RSBN1: variants seen among roughly 807,000 people sequenced by gnomAD.
RSBN1 encodes the protein lysine-specific demethylase 9.
RSBN1 carries 23 observed loss-of-function variants against 74.8 expected under a neutral mutation model. The observed-to-expected ratio is 0.31, with a 90% CI of 0.22 to 0.44. The LOEUF (loss-of-function observed/expected upper bound fraction) is 0.44. RSBN1 is among the 20% of genes least tolerant of loss of function. RSBN1 has a pLI of 1.00. For synonymous variants in RSBN1, 407 were observed against 379.6 expected (o/e 1.07, Z -0.84); for missense variants, 808 against 1,020.9 (o/e 0.79, Z 2.84).
At chr1:113,768,928 AT>A (rs1356739162) in intron 4 of RSBN1, among the ~76,000 whole-genome samples, 5 of 150,268 alleles carry the variant, frequency 3.3e-5, no homozygotes, top group Admixed American at 6.7e-5. Context: ...GAAAAAAAAA[AT>A]ATATATATAT....
chr1:113,803,264 T>C (rs1303318181), intron 1 of RSBN1, among the ~76,000 whole-genome samples: 3 of 152,232 alleles, frequency 2.0e-5, no homozygotes, highest in Admixed American at 1.3e-4. Flanking sequence ...GACATTTTGA[T>C]TGCTTCCAAG....
At chr1:113,787,094 A>G (rs1187611565) in intron 2 of RSBN1, among the ~76,000 whole-genome samples, 1 of 152,168 alleles carries the variant, frequency 6.6e-6, no homozygotes, top group Non-Finnish European at 1.5e-5. Flanking sequence ...CTTAGGAGAA[A>G]TTGTCATTCT....
Position 113,763,163 on chromosome 1 carries a change from G to A in RSBN1, c.*2817C>T, listed in dbSNP as rs531384521. 6.5e-6 allele frequency: 1 copy of A among 152,812 alleles called. No homozygotes were observed. Among genetic ancestry groups the A allele is most frequent in the Non-Finnish European group, 1.5e-5 (1 of 68,000 alleles). The allele number at this position is 152,812 out of a possible 1,614,324, so 9.5% of individuals were successfully genotyped here. On this transcript the variant is annotated 3_prime_UTR_variant, in exon 7 of 7. Transcript: ENST00000261441. ...TAGAGAATTACTTCTGGGGCAAGAG[G>A]AAGACTTTTATGCTTTTTAATGAAT... is the stretch of plus-strand genomic sequence containing the variant.
intron 4 of RSBN1, among the ~76,000 whole-genome samples, chr1:113,774,537 C>A (rs1276047045): frequency 1.3e-5 from 2 of 152,036 alleles, no homozygotes; most frequent in East Asian, 3.9e-4. Context: ...ATTAGCCGGG[C>A]ATCATAGCGG....
intron 1 of RSBN1, among the ~76,000 whole-genome samples, chr1:113,799,830 AAT>A (rs1403850472): frequency 6.6e-6 from 1 of 152,172 alleles, no homozygotes; most frequent in African/African-American, 2.4e-5. Flanking sequence ...CTAATTGGAA[AAT>A]ATACCTAGCA....
intron 2 of RSBN1, among the ~76,000 whole-genome samples, chr1:113,783,625 T>C (rs2101804068): frequency 6.6e-6 from 1 of 152,312 alleles, no homozygotes; most frequent in Middle Eastern, 3.4e-3. Context: ...GTGCCTAAGT[T>C]TGGGCCAATG....
chr1:113,792,757 T>G (rs1004326856), intron 2 of RSBN1, among the ~76,000 whole-genome samples: 7 of 151,512 alleles, frequency 4.6e-5, no homozygotes, highest in Admixed American at 6.6e-5. Flanking sequence ...TCACACTTCA[T>G]GATCACACTT....
chr1:113,812,041 C>A lies in RSBN1; in HGVS notation c.372G>T (p.Pro124=), dbSNP rs1463070017. 2 of 1,531,796 alleles carry A rather than the reference C, an allele frequency of 1.3e-6. No homozygotes were observed. The highest frequency in any genetic ancestry group is 8.8e-7 in the Non-Finnish European group (1 of 1,140,990). 94.9% of individuals were successfully genotyped at this position (1,531,796 alleles called of 1,614,324 possible). A position where few individuals can be genotyped will look rare whatever the true frequency, so the allele number is the denominator to read the frequency against. ...RRRRSRQHPG[P]LPPTNAAPTV... is the part of the protein sequence containing the mutation. The stretch of plus-strand genomic sequence containing the variant: ...TTGGGGCTGCATTCGTTGGCGGCAG[C>A]GGCCCAGGATGTTGGCGGCTGCGAC... Residue 124 remains proline (P), a synonymous_variant, in exon 1 of 7, where the codon CCG becomes CCT. Transcript: ENST00000261441.
At chr1:113,797,290 G>T in intron 2 of RSBN1, 73 bp downstream of exon 2, 1 of 1,188,564 alleles carries the variant, frequency 8.4e-7, no homozygotes, top group African/African-American at 1.6e-5. Flanking sequence ...GCTGGTATGT[G>T]CTGTGCGACA....
In RSBN1 at chr1:113,765,844, A is replaced by G. The variant is rs1659768498; in HGVS notation, c.*136T>C. 7.5e-6 allele frequency: 5 copies of G among 668,916 alleles called. No homozygotes were observed. The highest frequency in any genetic ancestry group is 1.3e-5 in the Non-Finnish European group (5 of 399,822). 41.4% of individuals were successfully genotyped at this position (668,916 alleles called of 1,614,324 possible). Reference sequence around the variant, plus strand: ...TCTGTGTAAAAAAGATATGCTTGACATTTGTGGAATGTCATTTCTCTTTAT... The same window carrying G: ...TCTGTGTAAAAAAGATATGCTTGACGTTTGTGGAATGTCATTTCTCTTTAT... On this transcript the variant is annotated 3_prime_UTR_variant, in exon 7 of 7. Transcript: ENST00000261441.
chr1:113,767,353 T>C (rs1046416788), intron 5 of RSBN1, 146 bp from the exon 6 acceptor site: 14 of 445,286 alleles, frequency 3.1e-5, no homozygotes, highest in Non-Finnish European at 5.5e-5. Context: ...AATTTTTTTT[T>C]AATTTGAAAA....
intron 1 of RSBN1, among the ~76,000 whole-genome samples, chr1:113,810,898 T>C (rs1301693373): frequency 6.6e-6 from 1 of 152,138 alleles, no homozygotes; most frequent in Non-Finnish European, 1.5e-5. Flanking sequence ...AAGACATCAG[T>C]TCTGGCCAAT....
rs746830645 is a variant in RSBN1, at chr1:113,764,548, A to G, written c.*1432T>C. 9.8e-5 allele frequency: 15 copies of G among 152,450 alleles called. No individual in the cohort carries two copies. The highest frequency in any genetic ancestry group is 3.3e-4 in the Admixed American group (5 of 15,258). The allele number at this position is 152,450 out of a possible 1,614,324, so 9.4% of individuals were successfully genotyped here. The stretch of plus-strand genomic sequence containing the variant: ...TTTCAGAATATTTTAGAGAAAATTC[A>G]TATTTGATATTTCAAAAGATGCAGC... On this transcript the variant is annotated 3_prime_UTR_variant, in exon 7 of 7. Coordinates refer to ENST00000261441, the MANE Select transcript of RSBN1 (RefSeq NM_018364.5).
chr1:113,791,664 T>C (rs1181865025), intron 2 of RSBN1, among the ~76,000 whole-genome samples: 4 of 151,742 alleles, frequency 2.6e-5, no homozygotes, highest in Non-Finnish European at 4.4e-5. Context: ...TTAAAATATA[T>C]AGTGAAAAAA....
chr1:113,782,923 T>C (rs1660165789), intron 2 of RSBN1, among the ~76,000 whole-genome samples: 1 of 152,240 alleles, frequency 6.6e-6, no homozygotes. Context: ...ATACCTGTTG[T>C]ATGTCTTCAA....
chr1:113,766,489 T>C lies in RSBN1; in HGVS notation c.1936-36A>G, dbSNP rs546215434. ...AAAAAAGTTACGTGAGACTTTAAAA[T>C]ATGTAATAATTTAGTCAAGTGAAAT... On this transcript the variant is annotated intron_variant, in intron 6 of 6. Coordinates refer to ENST00000261441, the MANE Select transcript of RSBN1 (RefSeq NM_018364.5). 4.0e-5 allele frequency: 54 copies of C among 1,338,098 alleles called. No individual in the cohort carries two copies. The East Asian group carries it at 1.1e-3, about 28-fold the overall frequency. The allele number at this position is 1,338,098 out of a possible 1,614,324, so 82.9% of individuals were successfully genotyped here. A position where few individuals can be genotyped will look rare whatever the true frequency, so the allele number is the denominator to read the frequency against.
chr1:113,770,113 T>G (rs1659860429), intron 4 of RSBN1, among the ~76,000 whole-genome samples: 1 of 152,138 alleles, frequency 6.6e-6, no homozygotes, highest in South Asian at 2.1e-4. Flanking sequence ...AGTGACTGAT[T>G]TAGGAATAGA....
chr1:113,778,198 C>T (rs1660066255), intron 2 of RSBN1, among the ~76,000 whole-genome samples: 1 of 152,062 alleles, frequency 6.6e-6, no homozygotes, highest in African/African-American at 2.4e-5. Context: ...TATTAATCTT[C>T]CATGTTCATT....
At chr1:113,783,162 T>G (rs1396299152) in intron 2 of RSBN1, among the ~76,000 whole-genome samples, 1 of 152,180 alleles carries the variant, frequency 6.6e-6, no homozygotes, top group Non-Finnish European at 1.5e-5. Context: ...ATCTGTATTA[T>G]TCAATATTAT....
Sources: gnomAD v4.1 joint callset for allele counts (sites outside exome capture counted in the v4.1 genomes callset) on GRCh38, gnomAD v4.1.1 for gene constraint, MANE v1.5 for transcripts, NCBI Gene and HGNC (gene_info 2026-07-23, HGNC 2026-07-21) for gene names.